The following OTUD7A variants were observed in gnomAD, a reference collection of about 807,000 sequenced individuals.
OTUD7A encodes OTU deubiquitinase 7A.
Under a neutral mutation model 65.7 loss-of-function variants are expected in OTUD7A, and 12 were observed. That is an observed-to-expected ratio of 0.18 (90% CI 0.12 to 0.30). The LOEUF (loss-of-function observed/expected upper bound fraction) is 0.30. Among genes scored for constraint, OTUD7A ranks in the 10% least tolerant of loss-of-function variants. The pLI is 1.00. For missense variants in OTUD7A, 1,148 were observed against 1,304.8 expected (o/e 0.88, Z 1.85); for synonymous variants, 641 against 586.3 (o/e 1.09, Z -1.35).
At chr15:31,607,802 G>A (rs1032870495) in intron 3 of OTUD7A, among the ~76,000 whole-genome samples, 5 of 152,218 alleles carry the variant, frequency 3.3e-5, no homozygotes, top group Admixed American at 3.3e-4. Flanking sequence ...GCCTAGGTGT[G>A]TAGTAGGCTG....
intron 1 of OTUD7A, among the ~76,000 whole-genome samples, chr15:31,867,240 T>C (rs936519540): frequency 1.3e-5 from 2 of 152,194 alleles, no homozygotes; most frequent in Non-Finnish European, 2.9e-5. Flanking sequence ...AAAAGCACAG[T>C]TGCTTTTTCT....
intron 3 of OTUD7A, among the ~76,000 whole-genome samples, chr15:31,630,791 T>C (rs1279046726): frequency 3.3e-5 from 5 of 152,274 alleles, no homozygotes; most frequent in Admixed American, 6.5e-5. Flanking sequence ...TGCATATATA[T>C]TTAGGATAGT....
At chr15:31,780,993 G>A (rs369692791) in intron 1 of OTUD7A, among the ~76,000 whole-genome samples, 1 of 152,196 alleles carries the variant, frequency 6.6e-6, no homozygotes, top group African/African-American at 2.4e-5. Context: ...TTATACATCG[G>A]CCTCTTGTTT....
chr15:31,581,672 C>A (rs937605955), intron 3 of OTUD7A, among the ~76,000 whole-genome samples: 1 of 152,324 alleles, frequency 6.6e-6, no homozygotes, highest in African/African-American at 2.4e-5. Flanking sequence ...CCCTTTTTAG[C>A]CATGGCTGGG....
At chr15:31,767,281 C>G in intron 1 of OTUD7A, 1 of 837,262 alleles carries the variant, frequency 1.2e-6, no homozygotes, top group African/African-American at 1.7e-5. Flanking sequence ...ACAACTACCA[C>G]GAAATGAAAC....
chr15:31,808,470 C>G (rs1207437189), intron 1 of OTUD7A, among the ~76,000 whole-genome samples: 1 of 152,280 alleles, frequency 6.6e-6, no homozygotes, highest in African/African-American at 2.4e-5. Context: ...ACTCGGAGGT[C>G]CAGCATGAGC....
In OTUD7A at chr15:31,483,833, C is replaced by A; in HGVS notation, c.2263G>T (p.Gly755Cys). The change falls in exon 13 of 13, where the codon GGC (glycine) becomes TGC (cysteine). Residue 755 changes from glycine to cysteine, a missense_variant. By Grantham distance (159) the Gly-to-Cys change is radical (BLOSUM62 -3). Coordinates refer to ENST00000307050, the MANE Select transcript of OTUD7A (RefSeq NM_001382637.1). ...CCGCTGGCGCTCGCACGCCGCGCGC[C>A]TCCCCCCGGGGAGGCCGTGCCGCCC... ...AAGGTASPGG[G>C]ARRASASGPV... The A allele has an allele frequency of 1.0e-6, 1 of 987,156 alleles. No individual in the cohort carries two copies. The highest frequency in any genetic ancestry group is 1.8e-5 in the African/African-American group (1 of 56,100). The allele number at this position is 987,156 out of a possible 1,614,324, so 61.1% of individuals were successfully genotyped here.
intron 1 of OTUD7A, chr15:31,768,339 C>T: frequency 1.7e-6 from 1 of 594,406 alleles, no homozygotes; most frequent in South Asian, 2.1e-5. Flanking sequence ...GTGGATTGGC[C>T]TCACAATTTC....
At position 31,858,367 on chromosome 15, in the gene OTUD7A, G is replaced by C. The variant is rs1249408222; in HGVS notation, c.-100+12140C>G. 1.3e-5 allele frequency among the ~76,000 whole-genome samples: 2 copies of C among 152,148 alleles called. 1 individual carries two copies. The highest frequency in any genetic ancestry group is 1.3e-4 in the Admixed American group (2 of 15,274). ...CTGTGCAGTGTGGCTAGCATGGAAG[G>C]CTTCGTTCAAAGATCCCTCTACAAA... On this transcript the variant is annotated intron_variant, in intron 1 of 12. Coordinates refer to ENST00000307050, the MANE Select transcript of OTUD7A (RefSeq NM_001382637.1).
At chr15:31,626,152 A>G (rs1890944337) in intron 3 of OTUD7A, among the ~76,000 whole-genome samples, 1 of 152,214 alleles carries the variant, frequency 6.6e-6, no homozygotes, top group Non-Finnish European at 1.5e-5. Flanking sequence ...TTAATGGCAT[A>G]CCTAAGGCTT....
At chr15:31,808,134 C>CAAAAAAAA (rs1398118771) in intron 1 of OTUD7A, among the ~76,000 whole-genome samples, 1 of 95,704 alleles carries the variant, frequency 1.0e-5, no homozygotes, top group African/African-American at 3.5e-5. Context: ...CACACACACA[C>CAAAAAAAA]ACAAACAAAT....
intron 4 of OTUD7A, among the ~76,000 whole-genome samples, chr15:31,565,581 G>A (rs1322147378): frequency 2.6e-5 from 4 of 152,002 alleles, no homozygotes; most frequent in African/African-American, 4.8e-5. Flanking sequence ...AGGTTTAGAT[G>A]GCAAAATAAA....
intron 6 of OTUD7A, among the ~76,000 whole-genome samples, chr15:31,528,772 G>A (rs561331349): frequency 6.4e-4 from 97 of 152,370 alleles, no homozygotes; most frequent in African/African-American, 1.9e-3. Context: ...CTAGCTCAAC[G>A]TCAGGCCAGG....
chr15:31,532,533 TA>T (rs202169622), intron 5 of OTUD7A, among the ~76,000 whole-genome samples: 2,221 of 147,424 alleles, frequency 0.015, 52 homozygotes, highest in African/African-American at 0.053. Context: ...AAATTAAACT[TA>T]AAAAAAAAAA....
Position 31,479,554 on chromosome 15 carries a change from C to T in OTUD7A, c.*3740G>A, listed in dbSNP as rs2041082434. The stretch of plus-strand genomic sequence containing the variant: ...AGTCTGTTTTTTCTTGTACAAATTT[C>T]CCACCACTGATAAGTACAGCCCTTT... On this transcript the variant is annotated 3_prime_UTR_variant, in exon 13 of 13. Transcript: ENST00000307050. The T allele has an allele frequency of 2.0e-5, 3 of 152,214 alleles. No homozygotes were observed. Among genetic ancestry groups the T allele is most frequent in the South Asian group, 4.1e-4 (2 of 4,824 alleles). 9.4% of individuals were successfully genotyped at this position (152,214 alleles called of 1,614,324 possible).
intron 1 of OTUD7A, among the ~76,000 whole-genome samples, chr15:31,732,529 A>G (rs777075993): frequency 1.3e-5 from 2 of 152,256 alleles, no homozygotes; most frequent in African/African-American, 2.4e-5. Context: ...TGTTCATAAC[A>G]CACGGCTAAA....
Position 31,487,227 on chromosome 15 carries a change from G to T in OTUD7A, c.1338C>A (p.Asn446Lys). 1 of 1,614,064 alleles carries T rather than the reference G, an allele frequency of 6.2e-7. No homozygotes were observed. Among genetic ancestry groups the T allele is most frequent in the South Asian group, 1.1e-5 (1 of 91,076 alleles). ...AKLNLLHSYM[N>K]VTWIRIPSET... is the part of the protein sequence containing the mutation. ...CGGAGGGGATCCGGATCCACGTCAC[G>T]TTCATGTAGCTGTGCAGAAGGTTCA... Residue 446 changes from asparagine to lysine, a missense_variant, in exon 12 of 13, where the codon AAC (asparagine) becomes AAA (lysine). Physicochemically the swap from Asn to Lys is moderately conservative, Grantham distance 94. This residue lies in a region of OTUD7A where 842 missense variants were observed against 769.5 expected (regional missense o/e 1.09). Coordinates refer to ENST00000307050, the MANE Select transcript of OTUD7A (RefSeq NM_001382637.1). The surrounding 1 kb of genome is among the most constrained non-coding windows in gnomAD (Gnocchi z 6.0).
chr15:31,796,015 G>A (rs969526204), intron 1 of OTUD7A, among the ~76,000 whole-genome samples: 5 of 152,122 alleles, frequency 3.3e-5, no homozygotes, highest in Admixed American at 1.3e-4. Context: ...TTCATAGAAG[G>A]CTCAGTTAAG....
intron 3 of OTUD7A, among the ~76,000 whole-genome samples, chr15:31,653,619 T>C (rs1244344980): frequency 6.7e-6 from 1 of 149,654 alleles, no homozygotes; most frequent in Non-Finnish European, 1.5e-5. Context: ...GGTCTGATTA[T>C]AAAAGACATC....
Sources: gnomAD v4.1 joint callset for allele counts (sites outside exome capture counted in the v4.1 genomes callset) on GRCh38, gnomAD v4.1.1 for gene constraint, gnomAD v4.1.1 regional missense constraint, Gnocchi (gnomAD v3.1) non-coding constraint, MANE v1.5 for transcripts, NCBI Gene and HGNC (gene_info 2026-07-23, HGNC 2026-07-21) for gene names.